Variants in THSD4 observed in about 807,000 individuals in gnomAD.
THSD4 encodes the protein thrombospondin type 1 domain containing 4, also known as thrombospondin type-1 domain-containing protein 4.
Under a neutral mutation model 119.0 loss-of-function variants are expected in THSD4, and 69 were observed. The ratio of observed to expected loss-of-function variants is 0.58; its 90% CI spans 0.48 to 0.71. The LOEUF is 0.71. Ranked by LOEUF, THSD4 falls within the 30% of genes least tolerant of loss-of-function variation. THSD4 has a pLI of 0.00. For synonymous variants in THSD4, 524 were observed against 540.4 expected, an observed-to-expected ratio of 0.97 and a Z score of 0.42; for missense variants, 1,393 against 1,391.1, an observed-to-expected ratio of 1.00 and a Z score of -0.02.
chr15:71,542,701 C>T (rs2048775633), intron 7 of THSD4, among the ~76,000 whole-genome samples: 3 of 151,874 alleles, frequency 2.0e-5, no homozygotes, highest in Non-Finnish European at 2.9e-5. Flanking sequence ...GATGGTGAAA[C>T]CCCATCTCTA....
At chr15:71,331,577 G>A (rs939676623) in intron 6 of THSD4, among the ~76,000 whole-genome samples, 5 of 152,168 alleles carry the variant, frequency 3.3e-5, no homozygotes, top group East Asian at 1.9e-4. Flanking sequence ...CTGCAGTCTG[G>A]CCCCCAGAGC....
In THSD4 at chr15:71,771,198, C is replaced by T; in HGVS notation, c.2904C>T (p.Val968=). The T allele has an allele frequency of 6.2e-7, 1 of 1,613,526 alleles. No individual in the cohort carries two copies. ...ERESCNPQDC[V]PEVDENCKDK... is the part of the protein sequence containing the mutation. Reference sequence around the variant, plus strand: ...AATCTTGTAACCCTCAGGACTGTGTCCCTGAAGTTGGTAAGTAGAGATTTC... The same window carrying T: ...AATCTTGTAACCCTCAGGACTGTGTTCCTGAAGTTGGTAAGTAGAGATTTC... The change falls in exon 17 of 18, where the codon GTC becomes GTT. Residue 968 remains valine, a synonymous_variant. Transcript: ENST00000261862.
At chr15:71,766,776 G>T (rs1036750538) in intron 16 of THSD4, 9 of 152,136 alleles carry the variant, frequency 5.9e-5, no homozygotes, top group African/African-American at 2.2e-4. Flanking sequence ...CCGTCAGCAG[G>T]TGAACGGACA....
intron 7 of THSD4, among the ~76,000 whole-genome samples, chr15:71,607,306 G>T (rs1196073711): frequency 6.6e-6 from 1 of 152,202 alleles, no homozygotes; most frequent in African/African-American, 2.4e-5. Context: ...GGTCCAGCTT[G>T]CAAAAATGCT....
chr15:71,412,359 C>T (rs560405854), intron 7 of THSD4, among the ~76,000 whole-genome samples: 3 of 152,306 alleles, frequency 2.0e-5, no homozygotes, highest in South Asian at 4.1e-4. Flanking sequence ...CCCCGCCTGG[C>T]GTTCTGCAAA....
At chr15:71,239,839 G>A (rs1015859793) in intron 4 of THSD4, among the ~76,000 whole-genome samples, 14 of 152,194 alleles carry the variant, frequency 9.2e-5, no homozygotes, top group South Asian at 2.1e-4. Context: ...ATTCAGACCC[G>A]TCAGGATTAT....
chr15:71,624,291 C>T (rs2050470446), intron 7 of THSD4, among the ~76,000 whole-genome samples: 1 of 152,240 alleles, frequency 6.6e-6, no homozygotes, highest in South Asian at 2.1e-4. Context: ...GGATTCAGCT[C>T]TGAGTCTCCA....
At chr15:71,350,106 C>G (rs978609616) in intron 6 of THSD4, among the ~76,000 whole-genome samples, 2 of 148,186 alleles carry the variant, frequency 1.3e-5, no homozygotes, top group East Asian at 4.0e-4. Flanking sequence ...AGATAGATTT[C>G]CAGCCTTATA....
At chr15:71,617,072 A>G (rs1377650410) in intron 7 of THSD4, among the ~76,000 whole-genome samples, 3 of 152,224 alleles carry the variant, frequency 2.0e-5, no homozygotes, top group African/African-American at 7.2e-5. Flanking sequence ...TATAAATTAG[A>G]GAATTGATTC....
At chr15:71,219,042 G>T (rs542802192) in intron 4 of THSD4, among the ~76,000 whole-genome samples, 1 of 151,722 alleles carries the variant, frequency 6.6e-6, no homozygotes, top group Admixed American at 6.6e-5. Flanking sequence ...AGAAGAATCC[G>T]TTCTGCAAAA....
At chr15:71,174,049 C>A (rs1217873315) in intron 3 of THSD4, among the ~76,000 whole-genome samples, 1 of 152,126 alleles carries the variant, frequency 6.6e-6, no homozygotes, top group East Asian at 1.9e-4. Flanking sequence ...GGATATGACA[C>A]CAAAGGCACC....
chr15:71,567,507 C>T (rs1419678148), intron 7 of THSD4, among the ~76,000 whole-genome samples: 16 of 152,242 alleles, frequency 1.1e-4, no homozygotes, highest in South Asian at 6.2e-4. Flanking sequence ...TATTTGTCCA[C>T]CAGCTCCTTT....
At chr15:71,704,434 A>G (rs1357599658) in intron 8 of THSD4, among the ~76,000 whole-genome samples, 7 of 152,136 alleles carry the variant, frequency 4.6e-5, no homozygotes, top group Non-Finnish European at 8.8e-5. Context: ...ATGGTTTTAT[A>G]AAGGGGAATT....
intron 8 of THSD4, among the ~76,000 whole-genome samples, chr15:71,694,770 A>G (rs1013061842): frequency 3.3e-5 from 5 of 152,150 alleles, no homozygotes; most frequent in African/African-American, 1.2e-4. Context: ...AGCCTGAAGT[A>G]CAACTCTGAG....
intron 7 of THSD4, among the ~76,000 whole-genome samples, chr15:71,623,261 G>A (rs2050450604): frequency 6.6e-6 from 1 of 152,172 alleles, no homozygotes; most frequent in African/African-American, 2.4e-5. Flanking sequence ...CCAGTGTTAT[G>A]CCATTAATGA....
intron 7 of THSD4, among the ~76,000 whole-genome samples, chr15:71,566,709 A>G (rs2049246745): frequency 6.7e-6 from 1 of 149,674 alleles, no homozygotes; most frequent in South Asian, 2.2e-4. Flanking sequence ...CCCCTGGTTT[A>G]TAAATTGGCC....
In THSD4 at chr15:71,266,545, C is replaced by A. The variant is rs554783560; in HGVS notation, c.1015+9830C>A. On this transcript the variant is annotated intron_variant, in intron 6 of 17. Coordinates refer to ENST00000261862, the MANE Select transcript of THSD4 (RefSeq NM_024817.3). ...GGCTGAAAATTCCAAAAACCAGAGG[C>A]CTCTTTTCCTCCAAAGGATCACAGC... Among the ~76,000 whole-genome samples, 13 of 152,122 alleles carry A rather than the reference C, an allele frequency of 8.5e-5. No individual in the cohort carries two copies. The South Asian group carries it at 1.0e-3, about 12-fold the overall frequency.
intron 1 of THSD4, among the ~76,000 whole-genome samples, chr15:71,102,583 T>C (rs561844206): frequency 1.3e-5 from 2 of 152,286 alleles, no homozygotes; most frequent in African/African-American, 4.8e-5. Context: ...TTTTAAATTT[T>C]GAGACAGTTT....
At chr15:71,541,399 TATA>T (rs1282455072) in intron 7 of THSD4, among the ~76,000 whole-genome samples, 3 of 152,208 alleles carry the variant, frequency 2.0e-5, no homozygotes, top group South Asian at 2.1e-4. Context: ...AGCACAGATG[TATA>T]ATAATAAATT....
Sources: allele counts gnomAD v4.1 joint callset (sites outside exome capture counted in the v4.1 genomes callset), GRCh38; gene constraint gnomAD v4.1.1; transcripts MANE v1.5; gene names NCBI Gene and HGNC (gene_info 2026-07-23, HGNC 2026-07-21).